Variants in KRABD5 observed in about 807,000 individuals in gnomAD.
KRABD5 encodes the protein KRAB domain containing 5.
the KRABD5 span, chr16:31,713,603 C>A: frequency 3.0e-6 from 3 of 1,012,330 alleles, no homozygotes; most frequent in Non-Finnish European, 4.2e-6. Context: ...CAGCCGGGAC[C>A]CCGCGCGTCC....
the KRABD5 span, among the ~76,000 whole-genome samples, chr16:31,727,188 G>C: frequency 2.0e-5 from 3 of 152,096 alleles, no homozygotes; most frequent in Non-Finnish European, 1.5e-5. Context: ...ATACTCTTTA[G>C]GGTTTTCTGT....
the KRABD5 span, chr16:31,754,140 A>T: frequency 1.4e-6 from 1 of 695,418 alleles, no homozygotes; most frequent in Non-Finnish European, 2.6e-6. Context: ...TGTTTCAAAT[A>T]ATCATTTAAA....
chr16:31,736,126 A>G, the KRABD5 span, among the ~76,000 whole-genome samples: 4 of 152,080 alleles, frequency 2.6e-5, no homozygotes, highest in South Asian at 8.3e-4. Flanking sequence ...TGGATATTCA[A>G]TTTTTCCTGC....
At chr16:31,719,104 A>G in the KRABD5 span, among the ~76,000 whole-genome samples, 1 of 152,232 alleles carries the variant, frequency 6.6e-6, no homozygotes, top group Non-Finnish European at 1.5e-5. Flanking sequence ...CATTTGTAGC[A>G]GCCATAGTCC....
the KRABD5 span, chr16:31,755,582 C>G: frequency 7.1e-5 from 33 of 467,220 alleles, 1 homozygote; most frequent in South Asian, 5.1e-4. Context: ...CTCCTTTAAC[C>G]GGTCTTCAAA....
chr16:31,715,704 G>T, the KRABD5 span, among the ~76,000 whole-genome samples: 3 of 152,182 alleles, frequency 2.0e-5, no homozygotes, highest in Non-Finnish European at 4.4e-5. Context: ...AACTTGTGGG[G>T]TCTGTGCTGC....
the KRABD5 span, chr16:31,759,653 A>G: frequency 1.4e-5 from 5 of 346,038 alleles, no homozygotes; most frequent in East Asian, 4.7e-5. Context: ...GCAGGTCTAT[A>G]TATTTTATTT....
chr16:31,717,964 G>C, the KRABD5 span, among the ~76,000 whole-genome samples: 1 of 152,104 alleles, frequency 6.6e-6, no homozygotes, highest in Non-Finnish European at 1.5e-5. Context: ...GCATCAGTTA[G>C]CCATTCCAGC....
chr16:31,747,732 G>C, the KRABD5 span, among the ~76,000 whole-genome samples: 2 of 152,210 alleles, frequency 1.3e-5, no homozygotes, highest in African/African-American at 2.4e-5. Context: ...GCATTTCTCT[G>C]ATGGCCAGTG....
chr16:31,737,206 A>G, the KRABD5 span, among the ~76,000 whole-genome samples: 2 of 151,024 alleles, frequency 1.3e-5, no homozygotes, highest in Non-Finnish European at 2.9e-5. Flanking sequence ...AGCCAGAGCA[A>G]TTAGTCAAGA....
At chr16:31,717,779 G>A in the KRABD5 span, among the ~76,000 whole-genome samples, 2 of 152,050 alleles carry the variant, frequency 1.3e-5, no homozygotes, top group African/African-American at 4.8e-5. Flanking sequence ...GTGCCCACCA[G>A]GCCTCACTCT....
At chr16:31,738,530 A>AT in the KRABD5 span, among the ~76,000 whole-genome samples, 1 of 151,794 alleles carries the variant, frequency 6.6e-6, no homozygotes, top group Admixed American at 6.6e-5. Flanking sequence ...TTTGCACACT[A>AT]TTTTTTTTCC....
At chr16:31,743,460 T>C in the KRABD5 span, among the ~76,000 whole-genome samples, 1 of 152,206 alleles carries the variant, frequency 6.6e-6, no homozygotes, top group African/African-American at 2.4e-5. Flanking sequence ...CTGAGGTCTC[T>C]ATTCTGTTCC....
At chr16:31,752,635 G>T in the KRABD5 span, among the ~76,000 whole-genome samples, 1 of 152,134 alleles carries the variant, frequency 6.6e-6, no homozygotes, top group Non-Finnish European at 1.5e-5. Context: ...AGAATCTGAG[G>T]CTATAGTATT....
chr16:31,727,674 C>G, the KRABD5 span, among the ~76,000 whole-genome samples: 2 of 151,990 alleles, frequency 1.3e-5, no homozygotes, highest in African/African-American at 2.4e-5. Flanking sequence ...GCTTCAATCT[C>G]CTTTCTTATT....
the KRABD5 span, chr16:31,723,282 T>C: frequency 4.3e-6 from 7 of 1,613,954 alleles, no homozygotes; most frequent in Non-Finnish European, 5.9e-6. Flanking sequence ...AAGCCGGACC[T>C]GATCACCTTT....
the KRABD5 span, among the ~76,000 whole-genome samples, chr16:31,732,647 AG>A: frequency 1.3e-5 from 2 of 152,222 alleles, no homozygotes; most frequent in African/African-American, 2.4e-5. Flanking sequence ...ATTTGGAAAT[AG>A]AAAGCTTTTA....
chr16:31,721,277 C>T, the KRABD5 span, among the ~76,000 whole-genome samples: 1 of 152,038 alleles, frequency 6.6e-6, no homozygotes, highest in Non-Finnish European at 1.5e-5. Context: ...GTTACCATTT[C>T]TATGTACGTA....
chr16:31,753,647 A>G, the KRABD5 span: 1 of 999,588 alleles, frequency 1.0e-6, no homozygotes, highest in East Asian at 2.7e-5. Context: ...AAGGGGCCTC[A>G]AGTTTTTGAT....
Sources: gnomAD v4.1 joint callset for allele counts (sites outside exome capture counted in the v4.1 genomes callset) on GRCh38, gnomAD v4.1.1 for gene constraint, MANE v1.5 for transcripts, NCBI Gene and HGNC (gene_info 2026-07-23, HGNC 2026-07-21) for gene names.